Variants in CCDC38 observed in about 807,000 individuals in gnomAD.
CCDC38 encodes the protein coiled-coil domain-containing protein 38.
Under a neutral mutation model 72.8 loss-of-function variants are expected in CCDC38, and 69 were observed. That is an observed-to-expected ratio of 0.95 (90% confidence interval 0.78 to 1.16). The LOEUF is 1.16. Among genes scored for constraint, CCDC38 ranks in the 50% most tolerant of loss-of-function variants. CCDC38 has a pLI of 0.00. For synonymous variants in CCDC38, 201 were observed against 213.2 expected (o/e 0.94, Z 0.50); for missense variants, 626 against 638.9 (o/e 0.98, Z 0.22).
chr12:95,918,718 G>T (rs1042299972), intron 3 of CCDC38, among the ~76,000 whole-genome samples, 158 bp downstream of exon 3: 6 of 152,168 alleles, frequency 3.9e-5, no homozygotes, highest in Non-Finnish European at 7.4e-5. Flanking sequence ...ATGTTTTTCT[G>T]TCGTTTGTGT....
intron 5 of CCDC38, among the ~76,000 whole-genome samples, chr12:95,905,572 C>T (rs2079992612): frequency 1.3e-5 from 2 of 152,262 alleles, no homozygotes; most frequent in Non-Finnish European, 2.9e-5. Flanking sequence ...TACTAACTAA[C>T]TAAATTTATG....
chr12:95,909,037 T>C (rs2080061926), intron 4 of CCDC38, among the ~76,000 whole-genome samples: 1 of 151,508 alleles, frequency 6.6e-6, no homozygotes, highest in African/African-American at 2.4e-5. Context: ...AGAAAAGAAA[T>C]AACTAAAATC....
rs150365821 is a variant in CCDC38 at position 95,878,269 on chromosome 12, G to A, written c.1220C>T (p.Ala407Val). 287 of 1,613,410 alleles carry A rather than the reference G, an allele frequency of 1.8e-4. No individual in the cohort carries two copies. The highest frequency in any genetic ancestry group is 2.3e-4 in the Non-Finnish European group (267 of 1,179,746). The change falls in exon 13 of 16, where the codon GCA becomes GTA. Residue 407 changes from alanine to valine, a missense_variant. Coordinates refer to ENST00000344280, the MANE Select transcript of CCDC38 (RefSeq NM_182496.3). ...GAGCTTGGACTTTAATTGCAATTCT[G>A]CTGCTTTCTCTTCTTCTCTCACACA... ...ANCVREEEKA[A>V]ELQLKSKLFS...
chr12:95,891,362 T>TG (rs1391440860), intron 8 of CCDC38, among the ~76,000 whole-genome samples: 2 of 151,980 alleles, frequency 1.3e-5, no homozygotes, highest in Admixed American at 1.3e-4. Flanking sequence ...TTTATTTTTT[T>TG]GGGGACAGGG....
chr12:95,876,420 AGATGTTACATTTTTATGTTGAAAAGAT>A (rs1369787703), intron 13 of CCDC38, among the ~76,000 whole-genome samples: 179 of 152,328 alleles, frequency 1.2e-3, no homozygotes, highest in African/African-American at 3.8e-3. Context: ...AAAATGGTTA[AGATGTTACATTTTTATGTTGAAAAGAT>A]GATGAAAAAG....
chr12:95,922,525 A>G (rs1164967781), intron 2 of CCDC38, among the ~76,000 whole-genome samples: 1 of 152,196 alleles, frequency 6.6e-6, no homozygotes, highest in African/African-American at 2.4e-5. Flanking sequence ...CTGACAGTGC[A>G]GTGAAACCCA....
In CCDC38 at chr12:95,878,198, A is replaced by G. The variant is rs1473964405; in HGVS notation, c.1278+13T>C. Reference sequence around the variant, plus strand: ...AGCCAAAATGAAATCACCATAGGCAAAGAGTGATTTACCTGAGCATCTGAA... The same window carrying G: ...AGCCAAAATGAAATCACCATAGGCAGAGAGTGATTTACCTGAGCATCTGAA... On this transcript the variant is annotated intron_variant, in intron 13 of 15. Coordinates refer to ENST00000344280, the MANE Select transcript of CCDC38 (RefSeq NM_182496.3). The G allele has an allele frequency of 4.3e-6, 7 of 1,612,224 alleles. No homozygotes were observed. In the Middle Eastern group the frequency reaches 5.0e-4, roughly 114 times the overall value.
chr12:95,937,701 TGATTAA>T (rs1163977212), intron 1 of CCDC38, among the ~76,000 whole-genome samples: 1 of 152,196 alleles, frequency 6.6e-6, no homozygotes, highest in Non-Finnish European at 1.5e-5. Context: ...GAGCAGCAGA[TGATTAA>T]GAACACAGAC....
intron 5 of CCDC38, among the ~76,000 whole-genome samples, chr12:95,899,291 G>T (rs2079926523): frequency 6.6e-6 from 1 of 152,100 alleles, no homozygotes; most frequent in Non-Finnish European, 1.5e-5. Context: ...AGTCCATGTG[G>T]TGATTTTTGT....
chr12:95,874,642 C>T (rs1565941772), intron 13 of CCDC38, among the ~76,000 whole-genome samples: 1 of 152,178 alleles, frequency 6.6e-6, no homozygotes, highest in Non-Finnish European at 1.5e-5. Flanking sequence ...TGGAACTGCC[C>T]CCAGATGGCA....
At chr12:95,928,633 A>G (rs2080299997) in intron 2 of CCDC38, among the ~76,000 whole-genome samples, 1 of 152,128 alleles carries the variant, frequency 6.6e-6, no homozygotes, top group Admixed American at 6.5e-5. Context: ...TAGAGTTTCC[A>G]GTTTTTCTGT....
rs554044252 is a variant in CCDC38, at chr12:95,877,242, C to T, written c.1278+969G>A. On this transcript the variant is annotated intron_variant, in intron 13 of 15. Transcript: ENST00000344280. ...GGAAGGTCTTCAGGACTCAGACCTT[C>T]GTTATAGATCAAAAGAAGTTAATCA... is the stretch of plus-strand genomic sequence containing the variant. Among the ~76,000 whole-genome samples the T allele has an allele frequency of 1.8e-3, 277 of 152,174 alleles. 5 individuals carry two copies. The highest frequency in any genetic ancestry group is 0.014 in the Middle Eastern group (4 of 294).
intron 1 of CCDC38, among the ~76,000 whole-genome samples, chr12:95,940,381 T>C (rs1430345774): frequency 6.6e-6 from 1 of 152,178 alleles, no homozygotes; most frequent in East Asian, 1.9e-4. Flanking sequence ...CTAAACCAAC[T>C]CTAAATAAAA....
At chr12:95,878,968 A>G (rs1391982512) in intron 12 of CCDC38, among the ~76,000 whole-genome samples, 1 of 152,208 alleles carries the variant, frequency 6.6e-6, no homozygotes, top group African/African-American at 2.4e-5. Flanking sequence ...AGTTTGACCT[A>G]TTGTTTAAAA....
chr12:95,896,738 G>A (rs2079893066), intron 7 of CCDC38: 1 of 152,148 alleles, frequency 6.6e-6, no homozygotes, highest in South Asian at 2.1e-4. Context: ...AGGCCTCCTG[G>A]GGCCATCTCG....
chr12:95,890,698 C>T, intron 9 of CCDC38, 134 bp downstream of exon 9: 1 of 550,708 alleles, frequency 1.8e-6, no homozygotes, highest in Admixed American at 3.1e-5. Flanking sequence ...AGAACCAGAG[C>T]CCCTGGCTGC....
chr12:95,885,651 G>A (rs1405858257), intron 10 of CCDC38: 1 of 154,358 alleles, frequency 6.5e-6, no homozygotes, highest in African/African-American at 2.4e-5. Flanking sequence ...ATTTTGGAAT[G>A]AGTGGATTTG....
chr12:95,887,574 G>T (rs769410227), intron 10 of CCDC38, among the ~76,000 whole-genome samples: 25 of 152,182 alleles, frequency 1.6e-4, no homozygotes, highest in Non-Finnish European at 3.7e-4. Flanking sequence ...AATGCAGAAC[G>T]CATTGGCGGT....
At chr12:95,867,357 G>T (rs777722906) in intron 15 of CCDC38, among the ~76,000 whole-genome samples, 168 bp from the exon 16 acceptor site, 12 of 152,276 alleles carry the variant, frequency 7.9e-5, no homozygotes, top group Admixed American at 3.3e-4. Flanking sequence ...TGTCTAACAT[G>T]CTAGGCAAAG....
Sources: gnomAD v4.1 joint callset for allele counts (sites outside exome capture counted in the v4.1 genomes callset) on GRCh38, gnomAD v4.1.1 for gene constraint, MANE v1.5 for transcripts, NCBI Gene and HGNC (gene_info 2026-07-23, HGNC 2026-07-21) for gene names.